NRG2: variants seen among roughly 807,000 people sequenced by gnomAD.
The protein encoded by NRG2 is neuregulin 2, also known as pro-neuregulin-2, membrane-bound isoform.
In NRG2, 27 loss-of-function variants were observed where a neutral mutation model predicts 73.9. The ratio of observed to expected loss-of-function variants is 0.37; its 90% CI spans 0.27 to 0.50. The LOEUF is 0.50. NRG2 is among the 20% of genes least tolerant of loss of function. The pLI is 0.96. For synonymous variants in NRG2, 532 were observed against 541.0 expected, an observed-to-expected ratio of 0.98 and a Z score of 0.23; for missense variants, 1,126 against 1,210.1, an observed-to-expected ratio of 0.93 and a Z score of 1.03.
chr5:140,011,435 T>C (rs1216894258), intron 1 of NRG2, among the ~76,000 whole-genome samples: 1 of 152,168 alleles, frequency 6.6e-6, no homozygotes, highest in East Asian at 1.9e-4. Flanking sequence ...CTGACTCACT[T>C]AGAATAAATA....
chr5:139,911,962 AC>A (rs1422049356), intron 1 of NRG2, among the ~76,000 whole-genome samples: 1 of 151,916 alleles, frequency 6.6e-6, no homozygotes, highest in Non-Finnish European at 1.5e-5. Flanking sequence ...TATCTATACC[AC>A]CCTGGGGTAC....
chr5:139,911,579 A>T (rs986139113), intron 1 of NRG2, among the ~76,000 whole-genome samples: 3 of 152,200 alleles, frequency 2.0e-5, no homozygotes, highest in Non-Finnish European at 4.4e-5. Context: ...GCGGCATGGT[A>T]CCAGGCCCTG....
intron 1 of NRG2, among the ~76,000 whole-genome samples, chr5:140,032,587 C>T (rs10043426): frequency 0.035 from 5,337 of 152,220 alleles, 303 homozygotes; most frequent in African/African-American, 0.12. Context: ...CCACTGCTCC[C>T]TTTTTACTTG....
intron 1 of NRG2, among the ~76,000 whole-genome samples, chr5:139,987,722 C>G (rs1757275717): frequency 6.6e-6 from 1 of 151,040 alleles, no homozygotes; most frequent in African/African-American, 2.4e-5. Context: ...TATCAAAAGC[C>G]TTATTAAATG....
At chr5:139,858,751 A>G (rs552363334) in intron 5 of NRG2, among the ~76,000 whole-genome samples, 1 of 152,266 alleles carries the variant, frequency 6.6e-6, no homozygotes, top group Admixed American at 6.5e-5. Context: ...CACAAGGTGT[A>G]TACTCTCAAC....
intron 1 of NRG2, among the ~76,000 whole-genome samples, chr5:139,943,088 G>A (rs577822008): frequency 1.6e-4 from 24 of 152,092 alleles, no homozygotes; most frequent in African/African-American, 4.8e-4. Flanking sequence ...TTATCCATCC[G>A]TCTCAGCCTC....
intron 1 of NRG2, among the ~76,000 whole-genome samples, chr5:139,897,756 C>A (rs1457473678): frequency 6.6e-6 from 1 of 152,166 alleles, no homozygotes; most frequent in East Asian, 1.9e-4. Flanking sequence ...CCTTCCCACC[C>A]AACACTCCTC....
chr5:139,864,914 CAG>C (rs1762384206), intron 5 of NRG2: 1 of 645,174 alleles, frequency 1.5e-6, no homozygotes, highest in Non-Finnish European at 2.8e-6. Flanking sequence ...CTGGCTGCTG[CAG>C]AGAGAACTTG....
At chr5:139,892,656 C>T (rs1764286594) in intron 1 of NRG2, among the ~76,000 whole-genome samples, 1 of 152,144 alleles carries the variant, frequency 6.6e-6, no homozygotes, top group African/African-American at 2.4e-5. Context: ...GAGATCATCG[C>T]ACCATGTCTC....
intron 1 of NRG2, among the ~76,000 whole-genome samples, chr5:139,896,138 G>A (rs908017808): frequency 1.3e-5 from 2 of 152,174 alleles, no homozygotes; most frequent in African/African-American, 4.8e-5. Context: ...TTCTCAAACT[G>A]GGATACATGC....
At chr5:140,021,722 G>A (rs1174157232) in intron 1 of NRG2, among the ~76,000 whole-genome samples, 1 of 152,188 alleles carries the variant, frequency 6.6e-6, no homozygotes. Flanking sequence ...CTGGTGGCAG[G>A]GAGACCTCTG....
At chr5:139,993,946 C>T (rs1420787615) in intron 1 of NRG2, among the ~76,000 whole-genome samples, 1 of 152,080 alleles carries the variant, frequency 6.6e-6, no homozygotes, top group African/African-American at 2.4e-5. Context: ...TGTTATTTTG[C>T]TTGTCTGTCT....
intron 1 of NRG2, among the ~76,000 whole-genome samples, chr5:140,027,512 C>T (rs531180234): frequency 8.5e-5 from 13 of 152,268 alleles, no homozygotes; most frequent in Middle Eastern, 3.4e-3. Context: ...GTAGTCCCCC[C>T]TTATCTATGG....
chr5:139,960,264 T>G (rs1006568628), intron 1 of NRG2, among the ~76,000 whole-genome samples: 2 of 152,164 alleles, frequency 1.3e-5, no homozygotes, highest in Non-Finnish European at 2.9e-5. Flanking sequence ...CCTGTAATCC[T>G]AGCAGTTTGG....
chr5:139,938,924 A>AGAAAGAAG (rs1753114252), intron 1 of NRG2, among the ~76,000 whole-genome samples: 1 of 138,630 alleles, frequency 7.2e-6, no homozygotes, highest in Non-Finnish European at 1.6e-5. Flanking sequence ...AAAGAAAGAA[A>AGAAAGAAG]GAAAGAAAGA....
In NRG2 at chr5:140,008,826, C is replaced by A. The variant is rs1247410841; in HGVS notation, c.700+33544G>T. Reference sequence around the variant, plus strand: ...TTAGGATATAGGCTCAGAAATCAGACAGGCATGTCTCTGCTACTTACTGTG... The same window carrying A: ...TTAGGATATAGGCTCAGAAATCAGAAAGGCATGTCTCTGCTACTTACTGTG... On this transcript the variant is annotated intron_variant, in intron 1 of 9. Coordinates refer to ENST00000361474, the MANE Select transcript of NRG2 (RefSeq NM_004883.3). This position sits in a 1 kb window ranked among gnomAD's most constrained non-coding sequence, Gnocchi z 4.2. 6.6e-6 allele frequency among the ~76,000 whole-genome samples: 1 copy of A among 152,178 alleles called. No individual in the cohort carries two copies. Among genetic ancestry groups the A allele is most frequent in the African/African-American group, 2.4e-5 (1 of 41,450 alleles).
chr5:139,963,772 T>G (rs1755259542), intron 1 of NRG2, among the ~76,000 whole-genome samples: 1 of 152,186 alleles, frequency 6.6e-6, no homozygotes, highest in African/African-American at 2.4e-5. Context: ...TTCCTCTTTC[T>G]AGGCCTGGTG....
At chr5:140,010,613 T>TA (rs532099988) in intron 1 of NRG2, among the ~76,000 whole-genome samples, 98 of 145,280 alleles carry the variant, frequency 6.7e-4, no homozygotes, top group Middle Eastern at 3.5e-3. Context: ...AATAAAGTCT[T>TA]AAAAAAAAAA....
chr5:139,938,963 A>G lies in NRG2; in HGVS notation c.701-51452T>C, dbSNP rs58642082. ...AAAGAAAGAAAGAAAGAAAGAAAAA[A>G]GAAGGAAGGAAGGGAAGGAAGGAAA... On this transcript the variant is annotated intron_variant, in intron 1 of 9. Transcript: ENST00000361474. Among the ~76,000 whole-genome samples, 468 of 138,276 alleles carry G rather than the reference A, an allele frequency of 3.4e-3. 3 individuals are homozygous for G. Among genetic ancestry groups the G allele is most frequent in the African/African-American group, 0.013 (439 of 34,156 alleles). 90.7% of individuals were successfully genotyped at this position (138,276 alleles called of 152,430 possible). A position where few individuals can be genotyped will look rare whatever the true frequency, so the allele number is the denominator to read the frequency against.
Sources: allele counts gnomAD v4.1 joint callset (sites outside exome capture counted in the v4.1 genomes callset), GRCh38; gene constraint gnomAD v4.1.1; non-coding constraint Gnocchi (gnomAD v3.1); transcripts MANE v1.5; gene names NCBI Gene and HGNC (gene_info 2026-07-23, HGNC 2026-07-21).